STX6: variants seen among roughly 807,000 people sequenced by gnomAD.
STX6 encodes the protein syntaxin 6, also known as syntaxin-6.
In STX6, 23 loss-of-function variants were observed where a neutral mutation model predicts 38.0. The observed-to-expected ratio is 0.60, with a 90% CI of 0.43 to 0.86. The LOEUF (loss-of-function observed/expected upper bound fraction) is 0.86. Ranked by LOEUF, STX6 falls within the 40% of genes least tolerant of loss-of-function variation. The pLI is 0.00. For missense variants in STX6, 274 were observed against 312.9 expected (o/e 0.88, Z 0.94); for synonymous variants, 123 against 107.5 (o/e 1.14, Z -0.89).
intron 1 of STX6, among the ~76,000 whole-genome samples, chr1:181,015,678 T>G (rs1014112770): frequency 1.3e-5 from 2 of 152,110 alleles, no homozygotes; most frequent in African/African-American, 4.8e-5. Context: ...ATCTTTTTTT[T>G]TTTTTTTGAG....
At chr1:180,984,921 G>A in intron 6 of STX6, 150 bp from the exon 7 acceptor site, 4 of 468,524 alleles carry the variant, frequency 8.5e-6, no homozygotes, top group South Asian at 3.7e-5. Flanking sequence ...AAAATCCTTG[G>A]GACAAGATAG....
At chr1:180,980,324 G>A (rs1464070027) in intron 7 of STX6, among the ~76,000 whole-genome samples, 3 of 105,274 alleles carry the variant, frequency 2.8e-5, no homozygotes, top group Non-Finnish European at 6.5e-5. Context: ...ACACCTATTA[G>A]AATGGTCAAA....
At chr1:181,021,335 T>C (rs1180812951) in intron 1 of STX6, among the ~76,000 whole-genome samples, 1 of 152,184 alleles carries the variant, frequency 6.6e-6, no homozygotes, top group African/African-American at 2.4e-5. Flanking sequence ...GGGATACACA[T>C]ATTACCAGTA....
At chr1:181,018,388 C>CAAAAAAAAAAA (rs34962747) in intron 1 of STX6, among the ~76,000 whole-genome samples, 58 of 43,034 alleles carry the variant, frequency 1.3e-3, no homozygotes, top group Non-Finnish European at 1.7e-3. Flanking sequence ...GACTCTGTCC[C>CAAAAAAAAAAA]AAAAAAAAAA....
intron 3 of STX6, among the ~76,000 whole-genome samples, chr1:181,001,131 G>C (rs1656069733): frequency 4.6e-5 from 7 of 152,110 alleles, no homozygotes; most frequent in Admixed American, 4.6e-4. Flanking sequence ...AATAAAACAA[G>C]TAACAAGAAT....
At chr1:181,017,671 C>A (rs1464937651) in intron 1 of STX6, among the ~76,000 whole-genome samples, 1 of 152,158 alleles carries the variant, frequency 6.6e-6, no homozygotes, top group Non-Finnish European at 1.5e-5. Flanking sequence ...TCAACAAACA[C>A]TGAGTACATC....
In STX6 at chr1:181,022,808, G is replaced by A; in HGVS notation, c.-135C>T. ...GGGTGAAGCCGAGCAGCGGGCACGC[G>A]CACAGGCCAGGTGCACAGGACGGCC... On this transcript the variant is annotated 5_prime_UTR_variant, in exon 1 of 8. Coordinates refer to ENST00000258301, the MANE Select transcript of STX6 (RefSeq NM_005819.6). 3.6e-6 allele frequency: 3 copies of A among 836,696 alleles called. No homozygotes were observed. The highest frequency in any genetic ancestry group is 1.6e-5 in the South Asian group (1 of 63,250). The allele number at this position is 836,696 out of a possible 1,614,324, so 51.8% of individuals were successfully genotyped here.
rs1655197636 is a variant in STX6 at position 180,974,484 on chromosome 1, T to A, written c.*2086A>T. 1 of 152,686 alleles carries A rather than the reference T, an allele frequency of 6.5e-6. No homozygotes were observed. The highest frequency in any genetic ancestry group is 2.1e-4 in the South Asian group (1 of 4,834). The allele number at this position is 152,686 out of a possible 1,614,324, so 9.5% of individuals were successfully genotyped here. A position where few individuals can be genotyped will look rare whatever the true frequency, so the allele number is the denominator to read the frequency against. On this transcript the variant is annotated 3_prime_UTR_variant, in exon 8 of 8. Transcript: ENST00000258301. ...CAGGAGTATCTTACTCATTAATGAC[T>A]AGGTTTGTTCCAAACGGCCCCTGCT...
At chr1:180,991,628 G>A (rs1258906626) in intron 4 of STX6, among the ~76,000 whole-genome samples, 3 of 152,276 alleles carry the variant, frequency 2.0e-5, no homozygotes, top group East Asian at 1.9e-4. Flanking sequence ...AAGTTCATCA[G>A]TCTGATCCCA....
At chr1:181,018,255 C>T (rs2102335581) in intron 1 of STX6, among the ~76,000 whole-genome samples, 1 of 151,652 alleles carries the variant, frequency 6.6e-6, no homozygotes, top group South Asian at 2.1e-4. Context: ...TAGTGGCGCA[C>T]ATTGGTAGTC....
chr1:181,000,307 T>C (rs1244864490), intron 3 of STX6, among the ~76,000 whole-genome samples: 2 of 152,178 alleles, frequency 1.3e-5, no homozygotes, highest in Non-Finnish European at 2.9e-5. Flanking sequence ...CGAGACTGGG[T>C]AATTTATAAG....
At chr1:181,007,851 CAAT>C (rs1397645719) in intron 1 of STX6, among the ~76,000 whole-genome samples, 3 of 152,110 alleles carry the variant, frequency 2.0e-5, no homozygotes, top group Non-Finnish European at 4.4e-5. Flanking sequence ...TACATGTTAA[CAAT>C]GTTTTTATTT....
At chr1:180,999,325 T>C (rs148754562) in intron 3 of STX6, among the ~76,000 whole-genome samples, 35 of 152,324 alleles carry the variant, frequency 2.3e-4, no homozygotes, top group African/African-American at 8.2e-4. Context: ...TTCTGCCATA[T>C]ACTGCAAAAC....
chr1:180,979,342 A>G (rs1221801954), intron 7 of STX6, among the ~76,000 whole-genome samples: 2 of 152,268 alleles, frequency 1.3e-5, no homozygotes, highest in South Asian at 2.1e-4. Context: ...AGTATTAGGA[A>G]AATAGACAAG....
Position 180,976,477 on chromosome 1 carries a change from G to GA in STX6, c.*92dup, listed in dbSNP as rs1655252226. 1 of 1,082,178 alleles carries GA rather than the reference G, an allele frequency of 9.2e-7. No individual in the cohort carries two copies. The highest frequency in any genetic ancestry group is 1.5e-5 in the African/African-American group (1 of 64,636). The allele number at this position is 1,082,178 out of a possible 1,614,324, so 67.0% of individuals were successfully genotyped here. A position where few individuals can be genotyped will look rare whatever the true frequency, so the allele number is the denominator to read the frequency against. ...GTGCAGCAGTATGTTTCCAGGATAG[G>GA]AATGTGAGTAGACGGCAATGTCACA... On this transcript the variant is annotated 3_prime_UTR_variant, in exon 8 of 8. Coordinates refer to ENST00000258301, the MANE Select transcript of STX6 (RefSeq NM_005819.6).
chr1:180,998,515 G>A (rs961490365), intron 3 of STX6, among the ~76,000 whole-genome samples: 1 of 152,098 alleles, frequency 6.6e-6, no homozygotes, highest in African/African-American at 2.4e-5. Context: ...CAAGTAGCTG[G>A]GACTATAGGC....
intron 7 of STX6, among the ~76,000 whole-genome samples, chr1:180,983,524 T>C (rs904823940): frequency 2.0e-5 from 3 of 152,220 alleles, no homozygotes; most frequent in African/African-American, 7.2e-5. Context: ...ATTATGAAAA[T>C]TGTTTATTCA....
At chr1:180,997,039 T>C (rs1014344125) in intron 3 of STX6, among the ~76,000 whole-genome samples, 1 of 152,220 alleles carries the variant, frequency 6.6e-6, no homozygotes, top group Admixed American at 6.5e-5. Context: ...CAGAGCCACA[T>C]TAAAGGAGAG....
intron 1 of STX6, among the ~76,000 whole-genome samples, chr1:181,009,230 G>A (rs576851351): frequency 1.3e-5 from 2 of 152,184 alleles, no homozygotes; most frequent in Non-Finnish European, 2.9e-5. Flanking sequence ...ATGTTGGGAG[G>A]CCAAGGCAGG....
Sources: allele counts gnomAD v4.1 joint callset (sites outside exome capture counted in the v4.1 genomes callset), GRCh38; gene constraint gnomAD v4.1.1; transcripts MANE v1.5; gene names NCBI Gene and HGNC (gene_info 2026-07-23, HGNC 2026-07-21).